Variants in RBFOX1 observed in about 807,000 individuals in gnomAD.
The protein encoded by RBFOX1 is RNA binding fox-1 homolog 1, also known as RNA binding protein fox-1 homolog 1.
A neutral mutation model predicts 57.7 loss-of-function variants in RBFOX1; 8 were observed. That is an observed-to-expected ratio of 0.14 (90% CI 0.08 to 0.25). The LOEUF (loss-of-function observed/expected upper bound fraction) is 0.25, where lower values mean the gene tolerates loss of function less well. Among genes scored for constraint, RBFOX1 ranks in the 10% least tolerant of loss-of-function variants. RBFOX1 has a pLI of 1.00. For missense variants in RBFOX1, 611 were observed against 548.5 expected, an observed-to-expected ratio of 1.11 and a Z score of -1.14; for synonymous variants, 326 against 222.4, an observed-to-expected ratio of 1.47 and a Z score of -4.15.
intron 3 of RBFOX1, among the ~76,000 whole-genome samples, chr16:6,910,669 C>T (rs1368178006): frequency 6.6e-6 from 1 of 152,200 alleles, no homozygotes; most frequent in Admixed American, 6.5e-5. Context: ...GATTACGAGG[C>T]TCGTGGCCCT....
intron 2 of RBFOX1, among the ~76,000 whole-genome samples, chr16:6,568,241 G>T (rs997204099): frequency 2.0e-5 from 3 of 152,178 alleles, no homozygotes; most frequent in African/African-American, 7.2e-5. Flanking sequence ...TAGTTTCCTT[G>T]TGAGGTGGTG....
At chr16:6,930,011 A>T (rs568519842) in intron 3 of RBFOX1, among the ~76,000 whole-genome samples, 1 of 152,086 alleles carries the variant, frequency 6.6e-6, no homozygotes, top group Non-Finnish European at 1.5e-5. Context: ...ACAGAGCGAG[A>T]TCTCTCTCTT....
At chr16:5,751,447 A>G (rs2053199383) in intron 3 of RBFOX1, among the ~76,000 whole-genome samples, 1 of 152,246 alleles carries the variant, frequency 6.6e-6, no homozygotes, top group South Asian at 2.1e-4. Context: ...AGAGAAGTTA[A>G]TACATCCACT....
chr16:6,675,076 T>G (rs1246454671), intron 3 of RBFOX1, among the ~76,000 whole-genome samples: 1 of 152,042 alleles, frequency 6.6e-6, no homozygotes, highest in Admixed American at 6.6e-5. Context: ...CACTAATTTT[T>G]GTATTTTTTT....
chr16:5,335,934 A>C (rs2064885287), intron 1 of RBFOX1, among the ~76,000 whole-genome samples: 2 of 152,188 alleles, frequency 1.3e-5, no homozygotes, highest in Non-Finnish European at 2.9e-5. Context: ...GTACTGGGTC[A>C]AGCATTTCTT....
At chr16:6,806,919 C>T (rs2086978070) in intron 3 of RBFOX1, among the ~76,000 whole-genome samples, 1 of 148,430 alleles carries the variant, frequency 6.7e-6, no homozygotes, top group Non-Finnish European at 1.5e-5. Flanking sequence ...CTGCAAACTC[C>T]ACCTCCTGGG....
intron 4 of RBFOX1, among the ~76,000 whole-genome samples, chr16:5,918,942 GA>G (rs530645723): frequency 2.6e-4 from 39 of 152,326 alleles, no homozygotes; most frequent in African/African-American, 8.9e-4. Context: ...CTCAAGGAAG[GA>G]AGGTGTTCCA....
At chr16:7,640,641 A>C (rs1186315466) in intron 11 of RBFOX1, among the ~76,000 whole-genome samples, 1 of 152,198 alleles carries the variant, frequency 6.6e-6, no homozygotes, top group Non-Finnish European at 1.5e-5. Flanking sequence ...GCAGTGAGGC[A>C]ATTATTCTGG....
chr16:6,281,317 G>A (rs2076355880), intron 1 of RBFOX1, among the ~76,000 whole-genome samples: 1 of 152,092 alleles, frequency 6.6e-6, no homozygotes, highest in Admixed American at 6.5e-5. Context: ...TTCAGAGGAG[G>A]AAGATGCATC....
At chr16:6,205,976 G>C (rs931662930) in intron 1 of RBFOX1, among the ~76,000 whole-genome samples, 3 of 149,810 alleles carry the variant, frequency 2.0e-5, no homozygotes, top group African/African-American at 7.4e-5. Flanking sequence ...CTTAGATCTG[G>C]AGTATATGTA....
At chr16:7,502,582 G>T (rs2071329482) in intron 4 of RBFOX1, among the ~76,000 whole-genome samples, 1 of 150,246 alleles carries the variant, frequency 6.7e-6, no homozygotes. Flanking sequence ...AAACTTTTTT[G>T]TTTGTTTGTT....
At chr16:7,492,150 G>A (rs969215091) in intron 4 of RBFOX1, among the ~76,000 whole-genome samples, 8 of 152,200 alleles carry the variant, frequency 5.3e-5, no homozygotes, top group Non-Finnish European at 1.2e-4. Flanking sequence ...GCATGATTTT[G>A]TCTGCCTTCT....
intron 3 of RBFOX1, among the ~76,000 whole-genome samples, chr16:6,781,605 C>G (rs145853734): frequency 1.3e-5 from 2 of 152,086 alleles, no homozygotes; most frequent in Non-Finnish European, 2.9e-5. Flanking sequence ...TATAGCATTA[C>G]TTATTGATTT....
intron 3 of RBFOX1, among the ~76,000 whole-genome samples, chr16:6,655,445 A>G (rs914073403): frequency 4.6e-5 from 7 of 150,698 alleles, no homozygotes; most frequent in African/African-American, 1.7e-4. Flanking sequence ...CAACACATTC[A>G]TATGAGCAAC....
At chr16:6,540,528 C>G (rs1422759966) in intron 2 of RBFOX1, among the ~76,000 whole-genome samples, 1 of 147,628 alleles carries the variant, frequency 6.8e-6, no homozygotes, top group Admixed American at 6.9e-5. Flanking sequence ...AGGAAAATCG[C>G]TTGAACCTGG....
In RBFOX1 at chr16:7,315,804, T is replaced by C. The variant is rs183680549; in HGVS notation, c.28-202343T>C. ...TTTGTTTGTTCTCTATTATTTGAAT[T>C]CGTGAGTGTCTCATTGTTTTTAATT... On this transcript the variant is annotated intron_variant, in intron 4 of 15. Transcript: ENST00000550418. Among the ~76,000 whole-genome samples, 702 of 152,314 alleles carry C rather than the reference T, an allele frequency of 4.6e-3. 2 individuals are homozygous for C. Among genetic ancestry groups the C allele is most frequent in the African/African-American group, 0.016 (657 of 41,558 alleles).
At chr16:7,667,819 G>A (rs372337533) in intron 13 of RBFOX1, among the ~76,000 whole-genome samples, 350 of 152,102 alleles carry the variant, frequency 2.3e-3, no homozygotes, top group Non-Finnish European at 4.1e-3. Context: ...GATTACAGGC[G>A]CCTACCACCA....
intron 4 of RBFOX1, among the ~76,000 whole-genome samples, chr16:5,953,888 A>G (rs1330998789): frequency 6.6e-6 from 1 of 152,072 alleles, no homozygotes; most frequent in Admixed American, 6.5e-5. Context: ...TTACACTAAA[A>G]ATGAGTTGTT....
intron 3 of RBFOX1, among the ~76,000 whole-genome samples, chr16:6,918,052 C>T (rs1344844014): frequency 2.0e-5 from 3 of 152,028 alleles, no homozygotes; most frequent in African/African-American, 7.2e-5. Flanking sequence ...TTTGGGAGGT[C>T]GAGGCGGGTG....
Sources: allele counts gnomAD v4.1 joint callset (sites outside exome capture counted in the v4.1 genomes callset), GRCh38; gene constraint gnomAD v4.1.1; transcripts MANE v1.5; gene names NCBI Gene and HGNC (gene_info 2026-07-23, HGNC 2026-07-21).